The following TEX11 variants were observed in gnomAD, a reference collection of about 807,000 sequenced individuals.
The protein encoded by TEX11 is testis-expressed protein 11.
A neutral mutation model predicts 84.4 loss-of-function variants in TEX11; 7 were observed. That is an observed-to-expected ratio of 0.08 (90% CI 0.05 to 0.16). The LOEUF is 0.16. Among genes scored for constraint, TEX11 ranks in the 10% least tolerant of loss-of-function variants. The pLI is 1.00. For missense variants in TEX11, 551 were observed against 660.5 expected (o/e 0.83, Z 1.82); for synonymous variants, 264 against 222.8 (o/e 1.18, Z -1.64).
intron 8 of TEX11, among the ~76,000 whole-genome samples, chrX:70,812,259 C>T (rs1039720489): frequency 9.2e-6 from 1 of 108,444 alleles, no homozygotes; most frequent in Non-Finnish European, 1.9e-5. Context: ...GGCTAGATTA[C>T]AGTGGCGCAC....
chrX:70,744,158 T>A lies in TEX11; in HGVS notation c.747+7A>T, dbSNP rs759076985. On this transcript the variant is annotated splice_region_variant and intron_variant, in intron 10 of 29. Coordinates refer to ENST00000374333, the MANE Select transcript of TEX11 (RefSeq NM_031276.3). Reference sequence around the variant, plus strand: ...CCTATTTCTACAATATTTAACATGATCCTTACCAGCATTTCTGGCCCAGTA... The same window carrying A: ...CCTATTTCTACAATATTTAACATGAACCTTACCAGCATTTCTGGCCCAGTA... The A allele has an allele frequency of 9.6e-7, 1 of 1,043,691 alleles. No homozygotes were observed. Among genetic ancestry groups the A allele is most frequent in the Non-Finnish European group, 1.3e-6 (1 of 799,524 alleles). The allele number at this position is 1,043,691 out of a possible 1,213,427, so 86.0% of individuals were successfully genotyped here.
At chrX:70,673,282 G>C (rs943680315) in intron 15 of TEX11, 4 of 110,714 alleles carry the variant, frequency 3.6e-5, no homozygotes, top group Non-Finnish European at 7.6e-5. Flanking sequence ...ACCACACCAG[G>C]CTAAATTTTT....
chrX:70,540,377 C>A (rs1264361454), intron 28 of TEX11, among the ~76,000 whole-genome samples: 1 of 111,909 alleles, frequency 8.9e-6, no homozygotes, highest in Non-Finnish European at 1.9e-5. Context: ...CACTACCATC[C>A]ATCTCCAGAA....
intron 17 of TEX11, among the ~76,000 whole-genome samples, chrX:70,647,578 A>T (rs1031227443): frequency 1.4e-4 from 15 of 108,842 alleles, no homozygotes; most frequent in Non-Finnish European, 2.5e-4. Context: ...GAGGTGGAGG[A>T]TCTCTTGAGC....
chrX:70,583,576 G>C (rs2088809955), intron 25 of TEX11, among the ~76,000 whole-genome samples: 1 of 112,090 alleles, frequency 8.9e-6, no homozygotes, highest in South Asian at 3.7e-4. Context: ...TAAATATATG[G>C]GTGCTGGTAT....
At chrX:70,739,413 C>CTT (rs35219972) in intron 11 of TEX11, among the ~76,000 whole-genome samples, 2 of 75,149 alleles carry the variant, frequency 2.7e-5, no homozygotes, top group African/African-American at 9.6e-5. Flanking sequence ...TATTTCATTT[C>CTT]TTTTTTTTTT....
chrX:70,888,443 C>T (rs1043121699), intron 2 of TEX11, among the ~76,000 whole-genome samples: 1 of 112,201 alleles, frequency 8.9e-6, no homozygotes, highest in Non-Finnish European at 1.9e-5. Flanking sequence ...CTGAAGAAAG[C>T]ATCAGAGTCC....
At chrX:70,589,625 C>T (rs935144041) in intron 25 of TEX11, among the ~76,000 whole-genome samples, 6 of 111,273 alleles carry the variant, frequency 5.4e-5, no homozygotes, top group South Asian at 3.8e-4. Flanking sequence ...GGGGTTCAAG[C>T]GATTCTCGTG....
intron 5 of TEX11, 119 bp downstream of exon 5, chrX:70,860,738 T>C (rs1168206644): frequency 8.6e-6 from 4 of 465,243 alleles, no homozygotes; most frequent in Non-Finnish European, 1.5e-5. Context: ...AGGAACACCA[T>C]CAAAAAAGGA....
At chrX:70,574,331 T>C (rs931782561) in intron 25 of TEX11, among the ~76,000 whole-genome samples, 6 of 111,721 alleles carry the variant, frequency 5.4e-5, no homozygotes, top group Non-Finnish European at 1.1e-4. Flanking sequence ...TTGAGTATCT[T>C]CTCACTATAA....
At chrX:70,657,791 T>C (rs1197406300) in intron 16 of TEX11, among the ~76,000 whole-genome samples, 1 of 106,569 alleles carries the variant, frequency 9.4e-6, no homozygotes, top group African/African-American at 3.4e-5. Context: ...TGGATGAAAT[T>C]GGAAATCATC....
At chrX:70,778,303 C>T (rs903691636) in intron 9 of TEX11, among the ~76,000 whole-genome samples, 4 of 111,646 alleles carry the variant, frequency 3.6e-5, no homozygotes, top group Non-Finnish European at 7.5e-5. Context: ...TAGGAGACTT[C>T]AGTACCCCAC....
At chrX:70,707,813 A>G (rs1360465892) in intron 13 of TEX11, among the ~76,000 whole-genome samples, 1 of 110,806 alleles carries the variant, frequency 9.0e-6, no homozygotes, top group East Asian at 2.8e-4. Context: ...CTCTTTCTCC[A>G]GGAGCAACCA....
intron 12 of TEX11, 39 bp downstream of exon 12, chrX:70,725,223 G>A (rs1455471233): frequency 2.1e-6 from 2 of 958,100 alleles, no homozygotes; most frequent in East Asian, 6.2e-5. Flanking sequence ...TTGTAGTGAT[G>A]TTTCAAAATG....
At chrX:70,767,713 G>A (rs1347467594) in intron 9 of TEX11, among the ~76,000 whole-genome samples, 3 of 111,783 alleles carry the variant, frequency 2.7e-5, no homozygotes, top group Non-Finnish European at 5.6e-5. Context: ...GCCAAGATTT[G>A]GAAACAACCT....
chrX:70,870,916 T>G (rs2091626355), intron 4 of TEX11, among the ~76,000 whole-genome samples: 2 of 110,997 alleles, frequency 1.8e-5, no homozygotes, highest in South Asian at 7.6e-4. Flanking sequence ...TCTGATTTTT[T>G]GGGGGGAGGG....
intron 22 of TEX11, among the ~76,000 whole-genome samples, chrX:70,607,492 C>A (rs2089208400): frequency 9.1e-6 from 1 of 110,489 alleles, no homozygotes; most frequent in South Asian, 3.9e-4. Flanking sequence ...CAACTATAGT[C>A]CCAGAAGACT....
intron 13 of TEX11, among the ~76,000 whole-genome samples, chrX:70,713,063 C>T (rs1286756938): frequency 8.9e-6 from 1 of 111,796 alleles, no homozygotes; most frequent in African/African-American, 3.3e-5. Flanking sequence ...TGGTTTTTGT[C>T]ATTGGTTCTG....
rs770749636 is a variant in TEX11 at position 70,887,207 on chromosome X, A to G, written c.38-7098T>C. Among the ~76,000 whole-genome samples the G allele has an allele frequency of 4.5e-5, 5 of 111,814 alleles. No homozygotes were observed. The Admixed American group carries it at 4.8e-4, about 11-fold the overall frequency. ...CCTTCTGCTTAAGAAAAGCAGATGG[A>G]GGAGTAAGTCTTGAGCTTAGGTGCC... On this transcript the variant is annotated intron_variant, in intron 2 of 29. Transcript: ENST00000374333.
Sources: allele counts gnomAD v4.1 joint callset (sites outside exome capture counted in the v4.1 genomes callset), GRCh38; gene constraint gnomAD v4.1.1; transcripts MANE v1.5; gene names NCBI Gene and HGNC (gene_info 2026-07-23, HGNC 2026-07-21).